TJAP1: variants seen among roughly 807,000 people sequenced by gnomAD.
TJAP1 encodes tight junction associated protein 1.
In TJAP1, 27 loss-of-function variants were observed where a neutral mutation model predicts 42.0. The ratio of observed to expected loss-of-function variants is 0.64; its 90% CI spans 0.47 to 0.89. TJAP1 has a LOEUF of 0.89. TJAP1 is among the 40% of genes least tolerant of loss of function. The pLI is 0.00. For synonymous variants in TJAP1, 257 were observed against 288.4 expected (o/e 0.89, Z 1.10); for missense variants, 712 against 726.9 (o/e 0.98, Z 0.24).
At chr6:43,499,305 C>T (rs1035497296) in intron 4 of TJAP1, among the ~76,000 whole-genome samples, 2 of 152,238 alleles carry the variant, frequency 1.3e-5, no homozygotes, top group African/African-American at 4.8e-5. Context: ...TATATGTCCA[C>T]ATGTCAGGGA....
chr6:43,502,553 A>G (rs771744479), intron 7 of TJAP1, 35 bp from the exon 8 acceptor site: 1 of 1,551,570 alleles, frequency 6.4e-7, no homozygotes, highest in South Asian at 1.2e-5. Flanking sequence ...TCTCCCCCTC[A>G]TGCTGCCACC....
exon 1 of TJAP1, chr6:43,477,603 C>T (rs1006076498): frequency 6.6e-6 from 1 of 152,416 alleles, no homozygotes; most frequent in Admixed American, 6.5e-5. Context: ...AGATGGCGGC[C>T]TGAACGCAGC....
At chr6:43,497,115 C>A (rs1440708741) in intron 2 of TJAP1, 1 of 152,254 alleles carries the variant, frequency 6.6e-6, no homozygotes, top group Non-Finnish European at 1.5e-5. Context: ...TATTGGGAAT[C>A]ATTTGTGGTG....
Position 43,501,758 on chromosome 6 carries a change from A to ACACACACT in TJAP1, c.290+72_290+73insACACACTC, listed in dbSNP as rs1423256237. ...CACACACACACACACACACACACAC[A>ACACACACT]CTCTCTCTGTCTCTCTCTCTCTCTG... On this transcript the variant is annotated intron_variant, in intron 6 of 10. Transcript: ENST00000372449. The ACACACACT allele has an allele frequency of 1.8e-3, 895 of 492,810 alleles. 6 individuals carry two copies. The highest frequency in any genetic ancestry group is 0.014 in the African/African-American group (403 of 29,022). The allele number at this position is 492,810 out of a possible 1,614,324, so 30.5% of individuals were successfully genotyped here. A position where few individuals can be genotyped will look rare whatever the true frequency, so the allele number is the denominator to read the frequency against.
At chr6:43,500,865 A>G in intron 5 of TJAP1, 93 bp downstream of exon 5, 1 of 1,474,690 alleles carries the variant, frequency 6.8e-7, no homozygotes, top group African/African-American at 1.4e-5. Flanking sequence ...TTTCCCTTGG[A>G]TTAGGTAGAA....
intron 2 of TJAP1, among the ~76,000 whole-genome samples, chr6:43,481,309 G>A (rs1785253911): frequency 6.6e-6 from 1 of 152,038 alleles, no homozygotes; most frequent in Admixed American, 6.6e-5. Context: ...TGAATGGACA[G>A]ACTGACATTA....
At chr6:43,500,698 G>A (rs1790331477) in intron 4 of TJAP1, 46 bp from the exon 5 acceptor site, 38 of 1,613,282 alleles carry the variant, frequency 2.4e-5, no homozygotes, top group Non-Finnish European at 3.1e-5. Context: ...CCAGCCGGGG[G>A]TCCAGTGGTC....
At chr6:43,503,634 G>A (rs772497801) in exon 10 of TJAP1, 3 of 1,614,146 alleles carry the variant, frequency 1.9e-6, no homozygotes, top group Admixed American at 1.7e-5. Context: ...AGCGGTACCG[G>A]CTGGACTGCA....
chr6:43,504,996 G>A (rs769674182), exon 11 of TJAP1: 37 of 1,614,094 alleles, frequency 2.3e-5, no homozygotes, highest in Non-Finnish European at 3.0e-5. Flanking sequence ...GGTGTCCCAG[G>A]TGATCCAGCC....
intron 10 of TJAP1, chr6:43,504,475 T>C: frequency 2.1e-6 from 1 of 477,216 alleles, no homozygotes; most frequent in Non-Finnish European, 3.8e-6. Flanking sequence ...TTAAGTATGG[T>C]TTGGGCAGAA....
At chr6:43,498,398 A>C (rs893456605) in intron 3 of TJAP1, among the ~76,000 whole-genome samples, 4 of 152,080 alleles carry the variant, frequency 2.6e-5, no homozygotes, top group Non-Finnish European at 5.9e-5. Flanking sequence ...CTGTGTACAA[A>C]AAATAGCCAG....
At chr6:43,482,978 T>C (rs1281308432) in intron 2 of TJAP1, among the ~76,000 whole-genome samples, 2 of 152,084 alleles carry the variant, frequency 1.3e-5, no homozygotes, top group Non-Finnish European at 2.9e-5. Flanking sequence ...AAAAATTAGT[T>C]GGGCGTGGTG....
intron 2 of TJAP1, among the ~76,000 whole-genome samples, chr6:43,484,084 A>G (rs1427547790): frequency 2.7e-5 from 4 of 149,854 alleles, no homozygotes; most frequent in Non-Finnish European, 5.9e-5. Context: ...ATTAAAAACA[A>G]AAAAAAAAAT....
intron 3 of TJAP1, 23 bp from the exon 4 acceptor site, chr6:43,498,955 G>C: frequency 5.6e-6 from 9 of 1,607,174 alleles, no homozygotes; most frequent in Non-Finnish European, 7.6e-6. Flanking sequence ...CTCTGAGCCT[G>C]CCTCCTTCTT....
chr6:43,482,543 T>C (rs998043437), intron 2 of TJAP1, among the ~76,000 whole-genome samples: 2 of 152,224 alleles, frequency 1.3e-5, no homozygotes, highest in African/African-American at 4.8e-5. Flanking sequence ...TCACTTCCTT[T>C]AGTATCTCAC....
At chr6:43,503,572 G>A (rs374197167) in intron 9 of TJAP1, 51 bp from the exon 10 acceptor site, 224 of 1,611,202 alleles carry the variant, frequency 1.4e-4, no homozygotes, top group Non-Finnish European at 1.8e-4. Flanking sequence ...GCTCGGCCCT[G>A]CTTCCTTGGA....
chr6:43,502,111 C>CTCTCTCTCTCTCT (rs70990195), intron 6 of TJAP1, among the ~76,000 whole-genome samples, 172 bp from the exon 7 acceptor site: 10 of 148,204 alleles, frequency 6.7e-5, no homozygotes, highest in African/African-American at 7.6e-5. Flanking sequence ...CTCTCTCTCT[C>CTCTCTCTCTCTCT]CTTTCATAGG....
chr6:43,487,048 T>G (rs1264246365), intron 2 of TJAP1, among the ~76,000 whole-genome samples: 1 of 152,196 alleles, frequency 6.6e-6, no homozygotes, highest in East Asian at 1.9e-4. Flanking sequence ...TGGATTGTGT[T>G]GGATATCTTA....
intron 2 of TJAP1, among the ~76,000 whole-genome samples, chr6:43,490,910 T>TC (rs1418656824): frequency 6.6e-6 from 1 of 152,208 alleles, no homozygotes; most frequent in Admixed American, 6.5e-5. Context: ...CAGTCCCTTC[T>TC]CCCTCCAGGC....
Sources: allele counts gnomAD v4.1 joint callset (sites outside exome capture counted in the v4.1 genomes callset), GRCh38; gene constraint gnomAD v4.1.1; transcripts MANE v1.5; gene names NCBI Gene and HGNC (gene_info 2026-07-23, HGNC 2026-07-21).